Variants in PDE7B observed in about 807,000 individuals in gnomAD.
PDE7B encodes 3',5'-cyclic-AMP phosphodiesterase 7B.
In PDE7B, 29 loss-of-function variants were observed where a neutral mutation model predicts 56.2. The ratio of observed to expected loss-of-function variants is 0.52; its 90% CI spans 0.38 to 0.70. The LOEUF is 0.70. Among genes scored for constraint, PDE7B ranks in the 30% least tolerant of loss-of-function variants. The pLI, the probability that PDE7B is intolerant of heterozygous loss-of-function variation, is 0.00. For synonymous variants in PDE7B, 197 were observed against 196.9 expected (o/e 1.00, Z 0.00); for missense variants, 490 against 565.0 (o/e 0.87, Z 1.35).
At chr6:135,978,016 A>G (rs950467269) in intron 2 of PDE7B, among the ~76,000 whole-genome samples, 1 of 152,162 alleles carries the variant, frequency 6.6e-6, no homozygotes, top group Non-Finnish European at 1.5e-5. Flanking sequence ...TAAAGCAGGC[A>G]AACCTGTACG....
intron 2 of PDE7B, among the ~76,000 whole-genome samples, chr6:135,983,670 C>T (rs566452409): frequency 2.0e-5 from 3 of 152,244 alleles, no homozygotes; most frequent in African/African-American, 7.2e-5. Flanking sequence ...GAAAATACTC[C>T]CCCAGTATCC....
At chr6:135,912,188 A>G (rs1776224513) in intron 1 of PDE7B, among the ~76,000 whole-genome samples, 1 of 152,224 alleles carries the variant, frequency 6.6e-6, no homozygotes, top group Admixed American at 6.5e-5. Context: ...AGAGTTTGGC[A>G]TCACTGGAAG....
At chr6:135,908,322 A>G (rs1405150780) in intron 1 of PDE7B, among the ~76,000 whole-genome samples, 1 of 151,782 alleles carries the variant, frequency 6.6e-6, no homozygotes, top group Non-Finnish European at 1.5e-5. Flanking sequence ...TCGTATCCCA[A>G]CCTCAGGTGA....
intron 3 of PDE7B, among the ~76,000 whole-genome samples, chr6:136,142,897 T>C (rs1215308856): frequency 6.6e-6 from 1 of 152,190 alleles, no homozygotes; most frequent in African/African-American, 2.4e-5. Flanking sequence ...GTCTTGACTC[T>C]TTATCCAATT....
intron 2 of PDE7B, among the ~76,000 whole-genome samples, chr6:136,085,445 G>A (rs1309505173): frequency 6.6e-6 from 1 of 152,210 alleles, no homozygotes; most frequent in Admixed American, 6.5e-5. Flanking sequence ...GTTTTGAAAT[G>A]TGTGGGGATT....
At chr6:136,187,681 G>A (rs968252684) in intron 12 of PDE7B, among the ~76,000 whole-genome samples, 23 of 152,332 alleles carry the variant, frequency 1.5e-4, no homozygotes, top group African/African-American at 5.3e-4. Context: ...GGAAACTGTT[G>A]AAGTATGATG....
intron 1 of PDE7B, among the ~76,000 whole-genome samples, chr6:135,873,220 A>G (rs576594524): frequency 1.5e-4 from 23 of 152,272 alleles, no homozygotes; most frequent in Admixed American, 5.9e-4. Flanking sequence ...AAGTTTCTAA[A>G]TTTCTGCTGT....
At chr6:136,051,835 CCCA>C (rs1264503330) in intron 2 of PDE7B, among the ~76,000 whole-genome samples, 1 of 152,088 alleles carries the variant, frequency 6.6e-6, no homozygotes, top group Non-Finnish European at 1.5e-5. Flanking sequence ...ACCTCCATTG[CCCA>C]CCACAACAAT....
In PDE7B at chr6:135,851,935, A is replaced by G; in HGVS notation, c.-64A>G. The G allele has an allele frequency of 8.1e-7, 1 of 1,235,842 alleles. No individual in the cohort carries two copies. Among genetic ancestry groups the G allele is most frequent in the Non-Finnish European group, 1.2e-6 (1 of 835,802 alleles). 76.6% of individuals were successfully genotyped at this position (1,235,842 alleles called of 1,614,324 possible). On this transcript the variant is annotated 5_prime_UTR_variant, in exon 1 of 13. Coordinates refer to ENST00000308191, the MANE Select transcript of PDE7B (RefSeq NM_018945.4). The stretch of plus-strand genomic sequence containing the variant: ...GGATTCTGCAGCACAAGTCTTCATG[A>G]ACAAGCAGCACCGCTCAGAGATTTC...
At chr6:136,044,278 C>T (rs1776462009) in intron 2 of PDE7B, 1 of 152,102 alleles carries the variant, frequency 6.6e-6, no homozygotes, top group African/African-American at 2.4e-5. Context: ...GATTCCAGCT[C>T]TTTGAGAGTC....
intron 1 of PDE7B, among the ~76,000 whole-genome samples, chr6:135,898,242 G>A (rs765872853): frequency 6.6e-5 from 10 of 152,100 alleles, no homozygotes; most frequent in Non-Finnish European, 1.0e-4. Context: ...AGTTTTCATT[G>A]TCTGCTAAAA....
At chr6:136,047,638 T>C (rs1457061545) in intron 2 of PDE7B, among the ~76,000 whole-genome samples, 5 of 152,216 alleles carry the variant, frequency 3.3e-5, no homozygotes, top group Non-Finnish European at 4.4e-5. Context: ...CAATGTTACA[T>C]ACAAATACTG....
At chr6:135,986,839 C>T (rs1449769286) in intron 2 of PDE7B, among the ~76,000 whole-genome samples, 4 of 152,176 alleles carry the variant, frequency 2.6e-5, no homozygotes, top group African/African-American at 4.8e-5. Context: ...AAATGGATCA[C>T]AATGTTTTGA....
chr6:136,184,344 G>A (rs957934075), intron 11 of PDE7B, among the ~76,000 whole-genome samples: 1 of 152,190 alleles, frequency 6.6e-6, no homozygotes, highest in Non-Finnish European at 1.5e-5. Context: ...CACAGGAGAA[G>A]ATCCAGTACC....
At chr6:136,033,837 A>AT (rs148777059) in intron 2 of PDE7B, among the ~76,000 whole-genome samples, 4,710 of 150,052 alleles carry the variant, frequency 0.031, 195 homozygotes, top group African/African-American at 0.091. Flanking sequence ...CTCATTTTGA[A>AT]TTTTTTTTTT....
At chr6:136,058,119 A>T (rs1776770552) in intron 2 of PDE7B, among the ~76,000 whole-genome samples, 1 of 152,186 alleles carries the variant, frequency 6.6e-6, no homozygotes, top group Non-Finnish European at 1.5e-5. Flanking sequence ...AGGAATCAAG[A>T]CTGATCACTC....
intron 2 of PDE7B, among the ~76,000 whole-genome samples, chr6:136,107,332 C>A (rs998389967): frequency 6.6e-6 from 1 of 152,134 alleles, no homozygotes. Flanking sequence ...TGAAACCTTC[C>A]CTGATTCAGT....
chr6:136,100,357 T>C (rs1035748727), intron 2 of PDE7B, among the ~76,000 whole-genome samples: 4 of 150,826 alleles, frequency 2.7e-5, no homozygotes, highest in Admixed American at 2.6e-4. Context: ...TATAAATTAC[T>C]TTGGGCAGTA....
At chr6:136,074,214 CAGAG>C (rs1278256710) in intron 2 of PDE7B, among the ~76,000 whole-genome samples, 1 of 144,636 alleles carries the variant, frequency 6.9e-6, no homozygotes, top group Non-Finnish European at 1.5e-5. Context: ...TCCTGGGTGA[CAGAG>C]AGACCTTGTC....
Sources: gnomAD v4.1 joint callset for allele counts (sites outside exome capture counted in the v4.1 genomes callset) on GRCh38, gnomAD v4.1.1 for gene constraint, MANE v1.5 for transcripts, NCBI Gene and HGNC (gene_info 2026-07-23, HGNC 2026-07-21) for gene names.